FKBP1A: variants seen among roughly 807,000 people sequenced by gnomAD.
FKBP1A encodes the protein peptidyl-prolyl cis-trans isomerase FKBP1A.
A neutral mutation model predicts 14.2 loss-of-function variants in FKBP1A; 5 were observed. That is an observed-to-expected ratio of 0.35 (90% CI 0.18 to 0.74). The LOEUF (loss-of-function observed/expected upper bound fraction) is 0.74, where lower values mean the gene tolerates loss of function less well. Among genes scored for constraint, FKBP1A ranks in the 30% least tolerant of loss-of-function variants. FKBP1A has a pLI of 0.56. For synonymous variants in FKBP1A, 42 were observed against 49.1 expected (o/e 0.86, Z 0.60); for missense variants, 53 against 138.8 (o/e 0.38, Z 3.10).
intron 2 of FKBP1A, among the ~76,000 whole-genome samples, chr20:1,385,349 C>T (rs1443397123): frequency 6.6e-6 from 1 of 152,088 alleles, no homozygotes; most frequent in African/African-American, 2.4e-5. Flanking sequence ...GAGATTGCAC[C>T]AGGGCACTCC....
chr20:1,378,964 T>C (rs2089587070), intron 2 of FKBP1A, among the ~76,000 whole-genome samples: 1 of 152,234 alleles, frequency 6.6e-6, no homozygotes, highest in South Asian at 2.1e-4. Context: ...AAACAAAATT[T>C]ACATGTAAGT....
At chr20:1,390,236 G>T (rs2089717237) in intron 2 of FKBP1A, among the ~76,000 whole-genome samples, 1 of 151,908 alleles carries the variant, frequency 6.6e-6, no homozygotes, top group Non-Finnish European at 1.5e-5. Flanking sequence ...GAGCTGACTG[G>T]ATCAAGAGTG....
intron 2 of FKBP1A, chr20:1,378,668 A>G (rs377290895): frequency 1.3e-5 from 2 of 152,130 alleles, no homozygotes; most frequent in East Asian, 1.9e-4. Context: ...ATGCCTCTCA[A>G]TTTTGCTGAG....
chr20:1,392,549 T>C (rs1256608683), intron 2 of FKBP1A, among the ~76,000 whole-genome samples: 2 of 152,162 alleles, frequency 1.3e-5, no homozygotes, highest in African/African-American at 4.8e-5. Context: ...TCCTCATCTG[T>C]GCAGCGGGCA....
intron 2 of FKBP1A, among the ~76,000 whole-genome samples, chr20:1,385,338 C>T (rs1194482821): frequency 6.6e-6 from 1 of 152,008 alleles, no homozygotes; most frequent in East Asian, 1.9e-4. Flanking sequence ...TGCAGTGAGC[C>T]GAGATTGCAC....
intron 3 of FKBP1A, 153 bp downstream of exon 3, chr20:1,375,338 C>A: frequency 3.2e-6 from 2 of 629,014 alleles, no homozygotes; most frequent in Non-Finnish European, 2.9e-6. Flanking sequence ...ACATTAACAA[C>A]AGGAGCTTCT....
intron 2 of FKBP1A, among the ~76,000 whole-genome samples, chr20:1,389,565 G>A (rs896854569): frequency 6.6e-6 from 1 of 152,224 alleles, no homozygotes; most frequent in East Asian, 1.9e-4. Context: ...AACCTCCTGA[G>A]GACATGAGGT....
chr20:1,370,849 A>G, intron 4 of FKBP1A: 2 of 985,434 alleles, frequency 2.0e-6, no homozygotes, highest in Non-Finnish European at 2.4e-6. Flanking sequence ...AGAACAGGAA[A>G]GGGATTTTGG....
chr20:1,371,723 T>A (rs1303127526), intron 4 of FKBP1A: 1 of 1,003,694 alleles, frequency 1.0e-6, no homozygotes, highest in East Asian at 1.0e-4. Context: ...AAGTCATTCA[T>A]TAAGAGTCTT....
At chr20:1,375,457 T>C (rs1238903710) in intron 3 of FKBP1A, 34 bp downstream of exon 3, 2 of 1,482,410 alleles carry the variant, frequency 1.3e-6, no homozygotes, top group Non-Finnish European at 9.4e-7. Flanking sequence ...AGGTAAATAC[T>C]AGAAAGCAAA....
intron 2 of FKBP1A, among the ~76,000 whole-genome samples, chr20:1,376,497 G>C (rs945076026): frequency 1.1e-4 from 17 of 152,176 alleles, no homozygotes; most frequent in Non-Finnish European, 2.4e-4. Context: ...AGGTTGCAGT[G>C]GTGGCCCTTC....
intron 3 of FKBP1A, 83 bp from the exon 4 acceptor site, chr20:1,372,323 G>A (rs1271119780): frequency 5.8e-5 from 85 of 1,471,058 alleles, no homozygotes; most frequent in Non-Finnish European, 7.1e-5. Flanking sequence ...TTACCTAGGT[G>A]TTCCTTGGCC....
At position 1,375,986 on chromosome 20, in the gene FKBP1A, TCA is replaced by T. The variant is rs1019650316; in HGVS notation, c.86-385_86-384del. 3.3e-5 allele frequency among the ~76,000 whole-genome samples: 5 copies of T among 152,142 alleles called. No individual in the cohort carries two copies. The South Asian group carries it at 1.0e-3, about 32-fold the overall frequency. On this transcript the variant is annotated intron_variant, in intron 2 of 4. Transcript: ENST00000400137. The stretch of plus-strand genomic sequence containing the variant: ...TCGAGGTGCACACTATGTCTAGAAG[TCA>T]CACACAGTGCAAGAAGCAATATTCC...
chr20:1,370,511 C>G, intron 4 of FKBP1A: 2 of 983,170 alleles, frequency 2.0e-6, no homozygotes, highest in Non-Finnish European at 2.4e-6. Context: ...AAAAATTTCC[C>G]AGGTGACTCT....
chr20:1,370,050 C>T lies in FKBP1A; in HGVS notation c.*59G>A, dbSNP rs1455038718. 1.3e-6 allele frequency: 2 copies of T among 1,549,980 alleles called. No individual in the cohort carries two copies. The highest frequency in any genetic ancestry group is 1.7e-6 in the Non-Finnish European group (2 of 1,146,910). On this transcript the variant is annotated 3_prime_UTR_variant, in exon 5 of 5. Coordinates refer to ENST00000400137, the MANE Select transcript of FKBP1A (RefSeq NM_000801.5). ...GGATTCATGTGCACATGTCTGGAGG[C>T]ACCAGATCCCTCCATGGCAGATCTG...
rs1027846356 is a variant in FKBP1A at position 1,369,920 on chromosome 20, G to A, written c.*189C>T. ...TAAACACACATACGAGGAGAAAGGGGAAGAGGAAACAGAGGTGTCGGAAGC... is the reference window on the plus strand; with the variant it reads ...TAAACACACATACGAGGAGAAAGGGAAAGAGGAAACAGAGGTGTCGGAAGC... On this transcript the variant is annotated 3_prime_UTR_variant, in exon 5 of 5. Coordinates refer to ENST00000400137, the MANE Select transcript of FKBP1A (RefSeq NM_000801.5). The A allele has an allele frequency of 6.0e-6, 7 of 1,166,388 alleles. No individual in the cohort carries two copies. The African/African-American group carries it at 9.3e-5, about 15-fold the overall frequency. 72.3% of individuals were successfully genotyped at this position (1,166,388 alleles called of 1,614,324 possible). A position where few individuals can be genotyped will look rare whatever the true frequency, so the allele number is the denominator to read the frequency against.
At chr20:1,389,513 G>C (rs1220661531) in intron 2 of FKBP1A, among the ~76,000 whole-genome samples, 1 of 152,182 alleles carries the variant, frequency 6.6e-6, no homozygotes, top group Non-Finnish European at 1.5e-5. Flanking sequence ...CTGCAGCAAA[G>C]TGGCCACACC....
chr20:1,370,291 T>C (rs1273416748), intron 4 of FKBP1A: 2 of 985,362 alleles, frequency 2.0e-6, no homozygotes, highest in Non-Finnish European at 1.2e-6. Flanking sequence ...GTGTTTTGTT[T>C]AATCTAAGGT....
rs144763781 is a variant in FKBP1A, at chr20:1,390,925, T to C, written c.85+1909A>G. On this transcript the variant is annotated intron_variant, in intron 2 of 4. Transcript: ENST00000400137. ...GCTGCTCTGGAAACATGTGGGTGCGTGCCACCCGCGAGAAAAACACACACT... is the reference window on the plus strand; with the variant it reads ...GCTGCTCTGGAAACATGTGGGTGCGCGCCACCCGCGAGAAAAACACACACT... 1.2e-3 allele frequency among the ~76,000 whole-genome samples: 181 copies of C among 152,292 alleles called. 1 individual carries two copies. The highest frequency in any genetic ancestry group is 4.0e-3 in the African/African-American group (167 of 41,554).
Sources: allele counts gnomAD v4.1 joint callset (sites outside exome capture counted in the v4.1 genomes callset), GRCh38; gene constraint gnomAD v4.1.1; transcripts MANE v1.5; gene names NCBI Gene and HGNC (gene_info 2026-07-23, HGNC 2026-07-21).